Variants in CCBE1 observed in about 807,000 individuals in gnomAD.
CCBE1 encodes collagen and calcium binding EGF domains 1, also known as collagen and calcium-binding EGF domain-containing protein 1.
Under a neutral mutation model 50.0 loss-of-function variants are expected in CCBE1, and 37 were observed. The observed-to-expected ratio is 0.74, with a 90% CI of 0.57 to 0.97. The LOEUF (loss-of-function observed/expected upper bound fraction) is 0.97. Among genes scored for constraint, CCBE1 ranks in the 50% least tolerant of loss-of-function variants. The pLI is 0.00. For synonymous variants in CCBE1, 234 were observed against 203.7 expected (o/e 1.15, Z -1.27); for missense variants, 538 against 523.8 (o/e 1.03, Z -0.26).
chr18:59,645,087 C>G (rs1439967437), intron 2 of CCBE1, among the ~76,000 whole-genome samples: 2 of 152,134 alleles, frequency 1.3e-5, no homozygotes, highest in African/African-American at 2.4e-5. Context: ...AACCCCGTCT[C>G]TACTAAAAAT....
intron 3 of CCBE1, among the ~76,000 whole-genome samples, chr18:59,475,371 G>T (rs1317791768): frequency 6.6e-6 from 1 of 152,126 alleles, no homozygotes; most frequent in Non-Finnish European, 1.5e-5. Context: ...AATATAAATG[G>T]TTCGCTCCTG....
intron 3 of CCBE1, among the ~76,000 whole-genome samples, chr18:59,471,013 T>A (rs28663660): frequency 0.018 from 2,815 of 152,324 alleles, 92 homozygotes; most frequent in African/African-American, 0.064. Context: ...TGGCTACACG[T>A]TTCCCCCACT....
At chr18:59,640,691 C>G (rs2053975388) in intron 2 of CCBE1, among the ~76,000 whole-genome samples, 1 of 152,138 alleles carries the variant, frequency 6.6e-6, no homozygotes. Flanking sequence ...CGGCTATCAA[C>G]AGAACAGACA....
intron 2 of CCBE1, among the ~76,000 whole-genome samples, chr18:59,559,737 G>A (rs540287610): frequency 1.3e-5 from 2 of 152,258 alleles, no homozygotes; most frequent in Non-Finnish European, 2.9e-5. Flanking sequence ...TAACAGCTAT[G>A]AAGGCCAGTC....
At chr18:59,574,446 A>G (rs548064896) in intron 2 of CCBE1, among the ~76,000 whole-genome samples, 1 of 152,340 alleles carries the variant, frequency 6.6e-6, no homozygotes, top group African/African-American at 2.4e-5. Context: ...GTCTATATCT[A>G]CAACACTGTA....
chr18:59,644,181 A>G (rs895076223), intron 2 of CCBE1, among the ~76,000 whole-genome samples: 1 of 152,168 alleles, frequency 6.6e-6, no homozygotes, highest in African/African-American at 2.4e-5. Flanking sequence ...CCTCGCATGC[A>G]CTGTTCTCAA....
At chr18:59,512,160 A>G (rs1321177735) in intron 2 of CCBE1, among the ~76,000 whole-genome samples, 3 of 152,222 alleles carry the variant, frequency 2.0e-5, no homozygotes, top group African/African-American at 7.2e-5. Context: ...GTCCCTTTAA[A>G]TGATACCAAA....
intron 7 of CCBE1, among the ~76,000 whole-genome samples, chr18:59,445,554 C>T (rs540290633): frequency 5.3e-5 from 8 of 152,272 alleles, no homozygotes; most frequent in Non-Finnish European, 7.4e-5. Context: ...AACAAAGAAA[C>T]GGAGACTTTA....
intron 2 of CCBE1, among the ~76,000 whole-genome samples, chr18:59,574,438 C>A (rs2052961381): frequency 6.6e-6 from 1 of 152,200 alleles, no homozygotes; most frequent in South Asian, 2.1e-4. Flanking sequence ...GAAACGGGGT[C>A]TATATCTACA....
chr18:59,675,017 G>A (rs912729736), intron 2 of CCBE1, among the ~76,000 whole-genome samples: 1 of 152,064 alleles, frequency 6.6e-6, no homozygotes, highest in Non-Finnish European at 1.5e-5. Flanking sequence ...GCACTCTCCT[G>A]TAAACATCCT....
At chr18:59,677,724 CAG>C (rs2054525166) in intron 2 of CCBE1, among the ~76,000 whole-genome samples, 3 of 151,674 alleles carry the variant, frequency 2.0e-5, no homozygotes, top group Non-Finnish European at 4.4e-5. Flanking sequence ...CCCAGGATGA[CAG>C]AGTGAAGGTG....
chr18:59,684,414 A>C (rs1290672970), intron 2 of CCBE1, among the ~76,000 whole-genome samples: 16 of 152,116 alleles, frequency 1.1e-4, no homozygotes, highest in Admixed American at 1.0e-3. Flanking sequence ...GTGCCACAGC[A>C]CTCCAGCCTG....
chr18:59,535,719 ATGT>A (rs1356156931), intron 2 of CCBE1, among the ~76,000 whole-genome samples: 10 of 152,364 alleles, frequency 6.6e-5, no homozygotes, highest in African/African-American at 2.4e-4. Context: ...AAGCATTAAA[ATGT>A]TGTACAAGAA....
At chr18:59,548,100 G>A (rs948121985) in intron 2 of CCBE1, among the ~76,000 whole-genome samples, 1 of 152,192 alleles carries the variant, frequency 6.6e-6, no homozygotes, top group Non-Finnish European at 1.5e-5. Context: ...ATGTTCAAGA[G>A]TGCTGGAGAG....
intron 2 of CCBE1, among the ~76,000 whole-genome samples, chr18:59,690,179 T>C (rs571600524): frequency 1.3e-5 from 2 of 152,268 alleles, no homozygotes; most frequent in East Asian, 3.9e-4. Flanking sequence ...CCTGGCAGAT[T>C]GTAAGTACCC....
intron 2 of CCBE1, among the ~76,000 whole-genome samples, chr18:59,686,660 A>G (rs1008843115): frequency 6.6e-6 from 1 of 152,110 alleles, no homozygotes; most frequent in Non-Finnish European, 1.5e-5. Flanking sequence ...TGTAATATCC[A>G]TTTTGGATTC....
chr18:59,476,338 G>C (rs914578259), intron 3 of CCBE1, among the ~76,000 whole-genome samples: 1 of 152,134 alleles, frequency 6.6e-6, no homozygotes, highest in African/African-American at 2.4e-5. Context: ...GTGTCCCCTT[G>C]AGAAACCAGT....
intron 2 of CCBE1, among the ~76,000 whole-genome samples, chr18:59,610,328 T>C (rs749633594): frequency 1.1e-4 from 16 of 152,216 alleles, no homozygotes; most frequent in Non-Finnish European, 2.4e-4. Flanking sequence ...TATTAAGATA[T>C]TGTTCCAAAA....
intron 7 of CCBE1, among the ~76,000 whole-genome samples, chr18:59,447,124 T>C (rs1045249214): frequency 1.3e-5 from 2 of 152,336 alleles, no homozygotes; most frequent in African/African-American, 2.4e-5. Context: ...TAAGGGTGAA[T>C]ATTCAGAAAC....
Sources: allele counts gnomAD v4.1 joint callset (sites outside exome capture counted in the v4.1 genomes callset), GRCh38; gene constraint gnomAD v4.1.1; transcripts MANE v1.5; gene names NCBI Gene and HGNC (gene_info 2026-07-23, HGNC 2026-07-21).